Variants in PALLD observed in about 807,000 individuals in gnomAD.
PALLD encodes palladin, cytoskeletal associated protein, also known as palladin.
A neutral mutation model predicts 123.5 loss-of-function variants in PALLD; 61 were observed. That is an observed-to-expected ratio of 0.49 (90% CI 0.40 to 0.61). The LOEUF is 0.61. Ranked by LOEUF, PALLD falls within the 20% of genes least tolerant of loss-of-function variation. The pLI, the probability that PALLD is intolerant of heterozygous loss-of-function variation, is 0.00. For missense variants in PALLD, 1,273 were observed against 1,377.0 expected (o/e 0.92, Z 1.20); for synonymous variants, 465 against 496.4 (o/e 0.94, Z 0.84).
intron 17 of PALLD, among the ~76,000 whole-genome samples, chr4:168,921,320 T>C (rs771947849): frequency 4.2e-5 from 6 of 144,510 alleles, no homozygotes; most frequent in Non-Finnish European, 7.4e-5. Context: ...GACAGGAGAA[T>C]CGCTTGAACC....
At chr4:168,860,868 A>G (rs1430157844) in intron 10 of PALLD, among the ~76,000 whole-genome samples, 1 of 152,220 alleles carries the variant, frequency 6.6e-6, no homozygotes, top group African/African-American at 2.4e-5. Context: ...CAACGTGACT[A>G]AAGAGATCCT....
At chr4:168,591,839 C>T (rs951150866) in intron 2 of PALLD, among the ~76,000 whole-genome samples, 3 of 151,862 alleles carry the variant, frequency 2.0e-5, no homozygotes, top group African/African-American at 7.3e-5. Context: ...ATTTGGCCCC[C>T]AGGAAATGTT....
intron 15 of PALLD, among the ~76,000 whole-genome samples, chr4:168,905,152 T>TTG (rs1757405647): frequency 7.5e-6 from 1 of 133,676 alleles, no homozygotes; most frequent in Non-Finnish European, 1.6e-5. Context: ...TTTTTTTTTT[T>TTG]TTTTTTTTTT....
Position 168,681,540 on chromosome 4 carries a change from A to ATTTTTTTTTTTTTTTTTT in PALLD, c.1154+148_1154+165dup, listed in dbSNP as rs34328020. 193 of 340,308 alleles carry ATTTTTTTTTTTTTTTTTT rather than the reference A, an allele frequency of 5.7e-4. 9 individuals carry two copies. The highest frequency in any genetic ancestry group is 3.4e-3 in the African/African-American group (107 of 31,682). The allele number at this position is 340,308 out of a possible 1,614,324, so 21.1% of individuals were successfully genotyped here. A position where few individuals can be genotyped will look rare whatever the true frequency, so the allele number is the denominator to read the frequency against. On this transcript the variant is annotated intron_variant, in intron 4 of 21. Coordinates refer to ENST00000505667, the MANE Select transcript of PALLD (RefSeq NM_001166108.2). ...GATCAAATACTGAGGTTGGAACACA[A>ATTTTTTTTTTTTTTTTTT]TTTTTTTTTTTTTTTTTTTTTTTGA...
At chr4:168,602,648 T>C (rs1224655725) in intron 2 of PALLD, among the ~76,000 whole-genome samples, 1 of 152,204 alleles carries the variant, frequency 6.6e-6, no homozygotes, top group Non-Finnish European at 1.5e-5. Flanking sequence ...CCATTTCAGA[T>C]GTTATAAGGA....
intron 13 of PALLD, 99 bp downstream of exon 13, chr4:168,896,698 A>G (rs1755255498): frequency 2.8e-6 from 2 of 703,118 alleles, no homozygotes; most frequent in Non-Finnish European, 4.9e-6. Context: ...TCTGCCATAT[A>G]TTAATTATAA....
intron 10 of PALLD, among the ~76,000 whole-genome samples, chr4:168,771,786 C>T (rs888017559): frequency 6.6e-6 from 1 of 152,120 alleles, no homozygotes; most frequent in Non-Finnish European, 1.5e-5. Flanking sequence ...TTTGGGGACC[C>T]TGGATGTTTG....
At chr4:168,650,938 A>G (rs28544472) in intron 2 of PALLD, among the ~76,000 whole-genome samples, 5,972 of 152,288 alleles carry the variant, frequency 0.039, 283 homozygotes, top group African/African-American at 0.11. Context: ...TGCTAAATAC[A>G]TAAATGTATT....
chr4:168,891,306 G>A (rs1167033945), intron 11 of PALLD, among the ~76,000 whole-genome samples: 1 of 152,108 alleles, frequency 6.6e-6, no homozygotes, highest in Non-Finnish European at 1.5e-5. Flanking sequence ...GGAACCACAG[G>A]CACATGCCAC....
At chr4:168,895,068 GA>G in intron 12 of PALLD, among the ~76,000 whole-genome samples, 1 of 152,224 alleles carries the variant, frequency 6.6e-6, no homozygotes, top group South Asian at 2.1e-4. Flanking sequence ...GAGTTAGGGG[GA>G]CCAACCCCAA....
intron 11 of PALLD, among the ~76,000 whole-genome samples, chr4:168,893,845 C>T (rs1457423535): frequency 6.6e-6 from 1 of 152,214 alleles, no homozygotes; most frequent in Non-Finnish European, 1.5e-5. Flanking sequence ...CTTTCTTTGC[C>T]TGATGGGCAA....
chr4:168,790,312 C>T (rs781053104), intron 10 of PALLD, among the ~76,000 whole-genome samples: 10 of 152,186 alleles, frequency 6.6e-5, no homozygotes, highest in Non-Finnish European at 1.2e-4. Flanking sequence ...CAGGCATGTG[C>T]CACCATGCCT....
At chr4:168,794,494 G>GCACACACA (rs148394196) in intron 10 of PALLD, among the ~76,000 whole-genome samples, 11 of 135,758 alleles carry the variant, frequency 8.1e-5, no homozygotes, top group African/African-American at 1.8e-4. Context: ...ACACATGCAC[G>GCACACACA]CACACACACA....
At chr4:168,798,479 C>T (rs752153912) in intron 10 of PALLD, among the ~76,000 whole-genome samples, 5 of 152,126 alleles carry the variant, frequency 3.3e-5, no homozygotes, top group South Asian at 4.1e-4. Context: ...ATGACTAAAA[C>T]TAAGGCATTT....
chr4:168,607,660 T>C (rs903094198), intron 2 of PALLD, among the ~76,000 whole-genome samples: 1 of 152,146 alleles, frequency 6.6e-6, no homozygotes. Flanking sequence ...TTGAAGTAAT[T>C]TGTTGGAGAC....
intron 10 of PALLD, among the ~76,000 whole-genome samples, chr4:168,812,287 G>A (rs1225393048): frequency 3.4e-4 from 51 of 152,130 alleles, no homozygotes; most frequent in Non-Finnish European, 2.9e-5. Flanking sequence ...AAATACGGCA[G>A]TACAGACGAT....
intron 10 of PALLD, among the ~76,000 whole-genome samples, chr4:168,839,612 G>A (rs1745736927): frequency 1.3e-5 from 2 of 151,960 alleles, no homozygotes; most frequent in South Asian, 2.1e-4. Context: ...GGTAAGGGAC[G>A]GGGGTGCATC....
intron 2 of PALLD, among the ~76,000 whole-genome samples, chr4:168,527,252 G>A (rs1247353265): frequency 6.6e-6 from 1 of 151,852 alleles, no homozygotes; most frequent in East Asian, 1.9e-4. Context: ...GAGAAACCCT[G>A]TCTCTACTAA....
At chr4:168,681,704 C>A (rs886443469) in intron 4 of PALLD, among the ~76,000 whole-genome samples, 4 of 151,878 alleles carry the variant, frequency 2.6e-5, no homozygotes, top group Non-Finnish European at 5.9e-5. Flanking sequence ...ACCACCACAC[C>A]TGGCTAATCT....
Sources: gnomAD v4.1 joint callset for allele counts (sites outside exome capture counted in the v4.1 genomes callset) on GRCh38, gnomAD v4.1.1 for gene constraint, MANE v1.5 for transcripts, NCBI Gene and HGNC (gene_info 2026-07-23, HGNC 2026-07-21) for gene names.